PEMT: variants seen among roughly 807,000 people sequenced by gnomAD.
PEMT encodes the protein phosphatidylethanolamine N-methyltransferase.
In PEMT, 23 loss-of-function variants were observed where a neutral mutation model predicts 27.4. That is an observed-to-expected ratio of 0.84 (90% CI 0.60 to 1.19). The LOEUF (loss-of-function observed/expected upper bound fraction) is 1.19. Among genes scored for constraint, PEMT ranks in the 50% most tolerant of loss-of-function variants. The probability of loss-of-function intolerance (pLI) is 0.00; values close to 1 mark genes in which losing one functional copy is unlikely to be tolerated. For synonymous variants in PEMT, 137 were observed against 139.1 expected, an observed-to-expected ratio of 0.98 and a Z score of 0.11; for missense variants, 307 against 310.1, an observed-to-expected ratio of 0.99 and a Z score of 0.07.
intron 2 of PEMT, among the ~76,000 whole-genome samples, chr17:17,565,754 C>T (rs1246381342): frequency 6.6e-6 from 1 of 152,272 alleles, no homozygotes; most frequent in African/African-American, 2.4e-5. Context: ...GAGAAAGGGG[C>T]CGCCAGCTAC....
At chr17:17,591,719 G>C (rs1198979560), upstream of PEMT, 1 of 1,496,386 alleles carries the variant, frequency 6.7e-7, no homozygotes, top group Non-Finnish European at 8.9e-7. Context: ...GCCGCCAGTC[G>C]GGGCGCTTTC....
At chr17:17,511,702 GGACCAAC>G (rs1390995907) in intron 4 of PEMT, among the ~76,000 whole-genome samples, 1 of 152,204 alleles carries the variant, frequency 6.6e-6, no homozygotes, top group Non-Finnish European at 1.5e-5. Flanking sequence ...GCGGCCAGCT[GGACCAAC>G]TCCCTGCTCA....
chr17:17,519,344 C>T (rs1261773453), intron 3 of PEMT, among the ~76,000 whole-genome samples: 2 of 152,196 alleles, frequency 1.3e-5, no homozygotes, highest in African/African-American at 4.8e-5. Flanking sequence ...CTCTCCTCCC[C>T]AAAATCCAGG....
At chr17:17,574,163 C>T (rs1911407281) in intron 2 of PEMT, among the ~76,000 whole-genome samples, 1 of 150,290 alleles carries the variant, frequency 6.7e-6, no homozygotes, top group South Asian at 2.1e-4. Context: ...CTTTGAAGAG[C>T]TCACTCCCTC....
chr17:17,591,954 G>A (rs552673794), upstream of PEMT: 664 of 985,396 alleles, frequency 6.7e-4, no homozygotes, highest in Non-Finnish European at 7.8e-4. Context: ...CCGCACCCGA[G>A]CCTGTAACTG....
chr17:17,576,436 G>A (rs758239286), intron 2 of PEMT, among the ~76,000 whole-genome samples: 10 of 152,304 alleles, frequency 6.6e-5, no homozygotes, highest in Non-Finnish European at 1.0e-4. Flanking sequence ...TCCGGAATGC[G>A]CAGGCCGTTT....
chr17:17,578,774 T>C (rs1911788730), intron 1 of PEMT: 1 of 151,728 alleles, frequency 6.6e-6, no homozygotes, highest in Admixed American at 6.6e-5. Context: ...CCGAGGCCTG[T>C]CAGGGGGCGG....
At chr17:17,563,857 G>C (rs909833960) in intron 2 of PEMT, among the ~76,000 whole-genome samples, 1 of 152,302 alleles carries the variant, frequency 6.6e-6, no homozygotes. Context: ...CCAGGAGTGG[G>C]GCACAGTCTG....
intron 2 of PEMT, among the ~76,000 whole-genome samples, chr17:17,573,282 T>C (rs928043215): frequency 6.6e-6 from 1 of 151,790 alleles, no homozygotes; most frequent in Non-Finnish European, 1.5e-5. Flanking sequence ...CTGGCCAAGA[T>C]GGTGAAACCC....
At chr17:17,549,290 C>T (rs761448849) in intron 2 of PEMT, among the ~76,000 whole-genome samples, 8 of 152,034 alleles carry the variant, frequency 5.3e-5, no homozygotes, top group Non-Finnish European at 1.0e-4. Flanking sequence ...CCCGGGTTCA[C>T]GTGATTCTTC....
At chr17:17,560,291 C>T (rs1452029230) in intron 2 of PEMT, among the ~76,000 whole-genome samples, 1 of 152,156 alleles carries the variant, frequency 6.6e-6, no homozygotes, top group Non-Finnish European at 1.5e-5. Flanking sequence ...TGGGCCAGGC[C>T]GAGCTGCCCG....
Position 17,505,726 on chromosome 17 carries a change from A to G in PEMT, c.*65T>C. 2.0e-6 allele frequency: 3 copies of G among 1,511,458 alleles called. No individual in the cohort carries two copies. The highest frequency in any genetic ancestry group is 2.7e-6 in the Non-Finnish European group (3 of 1,127,688). 93.6% of individuals were successfully genotyped at this position (1,511,458 alleles called of 1,614,324 possible). ...AGCAGGCACCATTCTCGCCCTGCGC[A>G]GGGCCTGCCACTTGGGGCAGGCCAG... On this transcript the variant is annotated 3_prime_UTR_variant, in exon 7 of 7. Coordinates refer to ENST00000255389, the MANE Select transcript of PEMT (RefSeq NM_148172.3).
At chr17:17,510,573 G>T (rs545410071) in intron 4 of PEMT, among the ~76,000 whole-genome samples, 79 of 152,318 alleles carry the variant, frequency 5.2e-4, no homozygotes, top group African/African-American at 1.9e-3. Flanking sequence ...GCAGGAAGTG[G>T]GGCACAGGGT....
In PEMT at chr17:17,561,514, G is replaced by C. The variant is rs1531100; in HGVS notation, c.204+15406C>G. On this transcript the variant is annotated intron_variant, in intron 2 of 6. Transcript: ENST00000255389. This position sits in a 1 kb window ranked among gnomAD's most constrained non-coding sequence, Gnocchi z 4.5. ...GCCCGAGGGGGAAGCGGACGGTAAG[G>C]CTGGAGGTAGGAAGAGGGAACAGAC... Among the ~76,000 whole-genome samples the C allele has an allele frequency of 6.6e-6, 1 of 151,966 alleles. No individual in the cohort carries two copies. The highest frequency in any genetic ancestry group is 2.4e-5 in the African/African-American group (1 of 41,378).
chr17:17,591,431 G>A, intron 1 of PEMT, 100 bp downstream of exon 1: 2 of 942,556 alleles, frequency 2.1e-6, no homozygotes, highest in Non-Finnish European at 3.1e-6. Flanking sequence ...GGGAACTGGC[G>A]GCCCCGCCCC....
chr17:17,545,773 G>A (rs2142621694), intron 2 of PEMT, among the ~76,000 whole-genome samples: 1 of 152,338 alleles, frequency 6.6e-6, no homozygotes, highest in Middle Eastern at 3.4e-3. Flanking sequence ...ATGGAGTGCA[G>A]AGGGACAGGT....
At chr17:17,535,534 C>T (rs1908399867) in intron 2 of PEMT, among the ~76,000 whole-genome samples, 3 of 150,888 alleles carry the variant, frequency 2.0e-5, no homozygotes, top group Non-Finnish European at 4.4e-5. Flanking sequence ...CACTGCACTC[C>T]AGCCTGGGCG....
In PEMT at chr17:17,558,693, A is replaced by AC. The variant is rs1383227666; in HGVS notation, c.204+18226_204+18227insG. Among the ~76,000 whole-genome samples, 6 of 127,542 alleles carry AC rather than the reference A, an allele frequency of 4.7e-5. 1 individual carries two copies. Among genetic ancestry groups the AC allele is most frequent in the African/African-American group, 7.6e-5 (3 of 39,296 alleles). 83.7% of individuals were successfully genotyped at this position (127,542 alleles called of 152,430 possible). On this transcript the variant is annotated intron_variant, in intron 2 of 6. Coordinates refer to ENST00000255389, the MANE Select transcript of PEMT (RefSeq NM_148172.3). The stretch of plus-strand genomic sequence containing the variant: ...AGAACCAGTCTCACGAAAAAAAAAA[A>AC]AAAAAACAAAAAGAAAGGGCAGCAG...
intron 3 of PEMT, among the ~76,000 whole-genome samples, chr17:17,516,453 T>C (rs1050632697): frequency 6.6e-6 from 1 of 152,022 alleles, no homozygotes; most frequent in African/African-American, 2.4e-5. Flanking sequence ...CTGTCTTGTT[T>C]TACAAACAGG....
Sources: allele counts gnomAD v4.1 joint callset (sites outside exome capture counted in the v4.1 genomes callset), GRCh38; gene constraint gnomAD v4.1.1; non-coding constraint Gnocchi (gnomAD v3.1); transcripts MANE v1.5; gene names NCBI Gene and HGNC (gene_info 2026-07-23, HGNC 2026-07-21).